The following CDYL2 variants were observed in gnomAD, a reference collection of about 807,000 sequenced individuals.
The protein encoded by CDYL2 is chromodomain Y-like protein 2.
In CDYL2, 23 loss-of-function variants were observed where a neutral mutation model predicts 49.4. The observed-to-expected ratio is 0.47, with a 90% CI of 0.34 to 0.66. The LOEUF is 0.66. Ranked by LOEUF, CDYL2 falls within the 30% of genes least tolerant of loss-of-function variation. CDYL2 has a pLI of 0.01. For synonymous variants in CDYL2, 360 were observed against 268.8 expected (o/e 1.34, Z -3.32); for missense variants, 678 against 656.4 (o/e 1.03, Z -0.36).
intron 1 of CDYL2, among the ~76,000 whole-genome samples, chr16:80,724,347 T>C (rs752506315): frequency 6.6e-6 from 1 of 151,722 alleles, no homozygotes; most frequent in Non-Finnish European, 1.5e-5. Flanking sequence ...GAGGAAGAAA[T>C]GGAGTAGAAG....
intron 1 of CDYL2, among the ~76,000 whole-genome samples, chr16:80,686,945 C>T (rs1470257780): frequency 6.6e-6 from 1 of 152,242 alleles, no homozygotes; most frequent in Non-Finnish European, 1.5e-5. Flanking sequence ...AATACACAAA[C>T]TCTGTAACAT....
intron 1 of CDYL2, among the ~76,000 whole-genome samples, chr16:80,686,276 G>T (rs915201941): frequency 1.3e-5 from 2 of 152,196 alleles, no homozygotes; most frequent in African/African-American, 4.8e-5. Flanking sequence ...TAACTGAAGG[G>T]TATGTGAGGG....
At chr16:80,669,190 C>T (rs532276572) in intron 2 of CDYL2, among the ~76,000 whole-genome samples, 4 of 151,824 alleles carry the variant, frequency 2.6e-5, no homozygotes, top group African/African-American at 9.7e-5. Context: ...ATAGTGGGTG[C>T]CACATTTCTG....
chr16:80,636,064 C>T (rs1332286503), intron 2 of CDYL2, among the ~76,000 whole-genome samples: 1 of 152,150 alleles, frequency 6.6e-6, no homozygotes, highest in African/African-American at 2.4e-5. Flanking sequence ...AAAATTAACT[C>T]AAGATGGATT....
At chr16:80,696,611 T>A (rs923624742) in intron 1 of CDYL2, among the ~76,000 whole-genome samples, 3 of 151,114 alleles carry the variant, frequency 2.0e-5, no homozygotes, top group Non-Finnish European at 1.5e-5. Flanking sequence ...CTAGACAAAA[T>A]GAATACATTC....
At chr16:80,758,668 G>C (rs532356345) in intron 1 of CDYL2, among the ~76,000 whole-genome samples, 3 of 149,616 alleles carry the variant, frequency 2.0e-5, no homozygotes, top group Admixed American at 6.8e-5. Flanking sequence ...TCAGCCTCCC[G>C]AGTAGCTGGG....
At chr16:80,746,166 C>T (rs186256636) in intron 1 of CDYL2, among the ~76,000 whole-genome samples, 24 of 152,220 alleles carry the variant, frequency 1.6e-4, no homozygotes, top group African/African-American at 7.2e-5. Context: ...GCTGTACCTG[C>T]GTGAAAATAA....
At chr16:80,713,415 C>G (rs924387717) in intron 1 of CDYL2, among the ~76,000 whole-genome samples, 1 of 152,092 alleles carries the variant, frequency 6.6e-6, no homozygotes, top group Non-Finnish European at 1.5e-5. Context: ...ATCAAATGGC[C>G]TTTCAGATGC....
At chr16:80,648,045 C>G (rs1279644361) in intron 2 of CDYL2, among the ~76,000 whole-genome samples, 5 of 151,742 alleles carry the variant, frequency 3.3e-5, no homozygotes, top group Non-Finnish European at 5.9e-5. Context: ...CTTTAAGTGC[C>G]TATACCAAAA....
At chr16:80,703,813 C>T (rs1229715288) in intron 1 of CDYL2, among the ~76,000 whole-genome samples, 3 of 152,162 alleles carry the variant, frequency 2.0e-5, no homozygotes, top group South Asian at 4.1e-4. Context: ...CCAGACCACA[C>T]CTGGCCTTGC....
At position 80,622,191 on chromosome 16, in the gene CDYL2, A is replaced by G. The variant is rs899654238; in HGVS notation, c.835-1256T>C. Reference sequence around the variant, plus strand: ...GGAGAAGGAGAGGACTCAGCCCCAGAGCACGCAGCCAGCCCAGGGGTGGAC... The same window carrying G: ...GGAGAAGGAGAGGACTCAGCCCCAGGGCACGCAGCCAGCCCAGGGGTGGAC... On this transcript the variant is annotated intron_variant, in intron 3 of 6. Coordinates refer to ENST00000570137, the MANE Select transcript of CDYL2 (RefSeq NM_152342.4). 2.0e-5 allele frequency among the ~76,000 whole-genome samples: 3 copies of G among 152,202 alleles called. No homozygotes were observed. The East Asian group carries it at 5.8e-4, about 29-fold the overall frequency.
rs138408972 is a variant in CDYL2 at position 80,640,254 on chromosome 16, T to C, written c.617-7018A>G. ...AGGAGAGAGAAGAGTAGGGAGGACT[T>C]TGTCTTGCATTTTGGATAACAGCTC... On this transcript the variant is annotated intron_variant, in intron 2 of 6. Transcript: ENST00000570137. Among the ~76,000 whole-genome samples, 798 of 152,186 alleles carry C rather than the reference T, an allele frequency of 5.2e-3. 12 individuals carry two copies. Among genetic ancestry groups the C allele is most frequent in the African/African-American group, 0.018 (749 of 41,496 alleles).
chr16:80,760,834 C>G (rs1178436130), intron 1 of CDYL2, among the ~76,000 whole-genome samples: 1 of 151,366 alleles, frequency 6.6e-6, no homozygotes, highest in African/African-American at 2.4e-5. Context: ...TATCCAGGGC[C>G]GTATTCTTGA....
chr16:80,779,053 C>CATG (rs1212229907), intron 1 of CDYL2, among the ~76,000 whole-genome samples: 2 of 151,796 alleles, frequency 1.3e-5, no homozygotes, highest in African/African-American at 4.8e-5. Flanking sequence ...CATATTTTGT[C>CATG]ATGAGGATAG....
chr16:80,692,818 G>T (rs529131290), intron 1 of CDYL2, among the ~76,000 whole-genome samples: 3 of 152,296 alleles, frequency 2.0e-5, no homozygotes, highest in Non-Finnish European at 4.4e-5. Context: ...TAACATGTTT[G>T]TGTATATTGA....
intron 1 of CDYL2, among the ~76,000 whole-genome samples, chr16:80,758,959 T>C (rs1239732691): frequency 4.0e-5 from 6 of 151,788 alleles, no homozygotes; most frequent in Non-Finnish European, 8.8e-5. Context: ...AACCAGACAT[T>C]AAGAATTTTG....
At chr16:80,734,575 G>A (rs1405611409) in intron 1 of CDYL2, among the ~76,000 whole-genome samples, 1 of 152,146 alleles carries the variant, frequency 6.6e-6, no homozygotes, top group Non-Finnish European at 1.5e-5. Context: ...CAGCTAAGGA[G>A]AAGCCTTTCT....
At chr16:80,790,754 G>T (rs530959867) in intron 1 of CDYL2, among the ~76,000 whole-genome samples, 1 of 152,258 alleles carries the variant, frequency 6.6e-6, no homozygotes, top group East Asian at 1.9e-4. Flanking sequence ...AGTCAGTCAG[G>T]GGGGTAGGTC....
At chr16:80,748,167 T>TAAA (rs1318732612) in intron 1 of CDYL2, among the ~76,000 whole-genome samples, 3 of 132,786 alleles carry the variant, frequency 2.3e-5, no homozygotes, top group Non-Finnish European at 4.8e-5. Flanking sequence ...ATAATAATAA[T>TAAA]ATAAAGAAAA....
Sources: gnomAD v4.1 joint callset for allele counts (sites outside exome capture counted in the v4.1 genomes callset) on GRCh38, gnomAD v4.1.1 for gene constraint, MANE v1.5 for transcripts, NCBI Gene and HGNC (gene_info 2026-07-23, HGNC 2026-07-21) for gene names.